GALNT7: variants seen among roughly 807,000 people sequenced by gnomAD.
The protein encoded by GALNT7 is N-acetylgalactosaminyltransferase 7.
In GALNT7, 60 loss-of-function variants were observed where a neutral mutation model predicts 82.1. The observed-to-expected ratio is 0.73, with a 90% CI of 0.59 to 0.91. The LOEUF is 0.91. Among genes scored for constraint, GALNT7 ranks in the 40% least tolerant of loss-of-function variants. The pLI is 0.00. For missense variants in GALNT7, 660 were observed against 804.2 expected (o/e 0.82, Z 2.17); for synonymous variants, 243 against 275.1 (o/e 0.88, Z 1.15).
At chr4:173,236,203 T>A (rs1191121294) in intron 1 of GALNT7, among the ~76,000 whole-genome samples, 1 of 152,100 alleles carries the variant, frequency 6.6e-6, no homozygotes, top group Non-Finnish European at 1.5e-5. Flanking sequence ...CCTTTCTAGT[T>A]CCATGCTCCT....
At chr4:173,308,686 C>T (rs373327615) in intron 8 of GALNT7, among the ~76,000 whole-genome samples, 19 of 152,064 alleles carry the variant, frequency 1.2e-4, no homozygotes, top group African/African-American at 4.1e-4. Flanking sequence ...GGGAGGATCA[C>T]GAGGTCAGGA....
intron 1 of GALNT7, among the ~76,000 whole-genome samples, chr4:173,174,510 G>A (rs1230663180): frequency 1.3e-5 from 2 of 152,180 alleles, no homozygotes; most frequent in African/African-American, 4.8e-5. Context: ...AATGTTTGGC[G>A]AATTCCTAAG....
At chr4:173,314,806 T>G (rs2126870050) in intron 9 of GALNT7, among the ~76,000 whole-genome samples, 1 of 152,370 alleles carries the variant, frequency 6.6e-6, no homozygotes, top group Non-Finnish European at 1.5e-5. Flanking sequence ...GATTGCTCCC[T>G]GCAGCCCCGC....
At position 173,322,968 on chromosome 4, in the gene GALNT7, A is replaced by G. The variant is rs1737875508; in HGVS notation, c.*1251A>G. ...ATTTCTTTTTAGAAAGTGTATTTTTATTAGTATTTTTCCGGTGAACAGAAG... is the reference window on the plus strand; with the variant it reads ...ATTTCTTTTTAGAAAGTGTATTTTTGTTAGTATTTTTCCGGTGAACAGAAG... On this transcript the variant is annotated 3_prime_UTR_variant, in exon 12 of 12. Transcript: ENST00000265000. The G allele has an allele frequency of 6.6e-6, 1 of 152,150 alleles. No homozygotes were observed. Among genetic ancestry groups the G allele is most frequent in the Non-Finnish European group, 1.5e-5 (1 of 68,000 alleles). 9.4% of individuals were successfully genotyped at this position (152,150 alleles called of 1,614,324 possible).
intron 1 of GALNT7, among the ~76,000 whole-genome samples, chr4:173,215,148 A>G (rs1360433669): frequency 6.6e-6 from 1 of 152,166 alleles, no homozygotes; most frequent in Non-Finnish European, 1.5e-5. Context: ...ATACACAAAG[A>G]AAGTTAGTTG....
At chr4:173,238,023 T>C (rs1734293184) in intron 1 of GALNT7, among the ~76,000 whole-genome samples, 1 of 152,182 alleles carries the variant, frequency 6.6e-6, no homozygotes, top group Non-Finnish European at 1.5e-5. Flanking sequence ...GTGGTTATTC[T>C]TTTGAAGGGT....
At chr4:173,278,158 G>A (rs1735983936) in intron 2 of GALNT7, among the ~76,000 whole-genome samples, 1 of 152,112 alleles carries the variant, frequency 6.6e-6, no homozygotes, top group Admixed American at 6.6e-5. Flanking sequence ...ACCAGCATGG[G>A]GCTATGAAAA....
At chr4:173,200,314 C>T (rs1313538123) in intron 1 of GALNT7, among the ~76,000 whole-genome samples, 1 of 152,070 alleles carries the variant, frequency 6.6e-6, no homozygotes, top group East Asian at 1.9e-4. Flanking sequence ...TTGATTGTTT[C>T]AGGCAGAAAG....
chr4:173,182,203 T>C (rs1409251590), intron 1 of GALNT7, among the ~76,000 whole-genome samples: 1 of 152,230 alleles, frequency 6.6e-6, no homozygotes, highest in Non-Finnish European at 1.5e-5. Flanking sequence ...ATGTCTTGTG[T>C]AATGATTTAT....
At chr4:173,186,591 A>G (rs1228885125) in intron 1 of GALNT7, among the ~76,000 whole-genome samples, 4 of 152,110 alleles carry the variant, frequency 2.6e-5, no homozygotes, top group Non-Finnish European at 5.9e-5. Context: ...CATAGTTTCA[A>G]GAGTGCTTTA....
chr4:173,170,006 G>C (rs1030986520), intron 1 of GALNT7, among the ~76,000 whole-genome samples: 1 of 152,132 alleles, frequency 6.6e-6, no homozygotes, highest in African/African-American at 2.4e-5. Flanking sequence ...GGAGGGTTTA[G>C]TCAGGCGCCT....
intron 1 of GALNT7, among the ~76,000 whole-genome samples, chr4:173,230,139 G>C (rs1733981781): frequency 6.6e-6 from 1 of 152,204 alleles, no homozygotes; most frequent in Non-Finnish European, 1.5e-5. Context: ...AGACTTGCCA[G>C]TGTAGTCTTC....
At chr4:173,186,314 A>G (rs952928868) in intron 1 of GALNT7, among the ~76,000 whole-genome samples, 3 of 152,218 alleles carry the variant, frequency 2.0e-5, no homozygotes, top group Non-Finnish European at 4.4e-5. Context: ...TTATATAGTA[A>G]AAGTACACAT....
chr4:173,175,267 A>G (rs1732001060), intron 1 of GALNT7, among the ~76,000 whole-genome samples: 1 of 152,262 alleles, frequency 6.6e-6, no homozygotes, highest in African/African-American at 2.4e-5. Context: ...ACATATATTG[A>G]ATCCTTACTT....
At chr4:173,188,096 G>A (rs1408308115) in intron 1 of GALNT7, among the ~76,000 whole-genome samples, 1 of 152,162 alleles carries the variant, frequency 6.6e-6, no homozygotes, top group African/African-American at 2.4e-5. Context: ...CATGTGGGGA[G>A]CCAAAATTCT....
intron 1 of GALNT7, among the ~76,000 whole-genome samples, chr4:173,199,652 T>C (rs1374629742): frequency 6.6e-6 from 1 of 152,160 alleles, no homozygotes; most frequent in Non-Finnish European, 1.5e-5. Context: ...AGCAAAGAGA[T>C]TAAAACTTGC....
At chr4:173,261,957 C>A (rs1735284023) in intron 2 of GALNT7, among the ~76,000 whole-genome samples, 1 of 152,008 alleles carries the variant, frequency 6.6e-6, no homozygotes, top group African/African-American at 2.4e-5. Context: ...ATAATAATTT[C>A]ATTACATATT....
At chr4:173,267,436 G>A (rs1484584036) in intron 2 of GALNT7, among the ~76,000 whole-genome samples, 9 of 152,126 alleles carry the variant, frequency 5.9e-5, no homozygotes, top group Non-Finnish European at 1.2e-4. Flanking sequence ...AGGGTTTGTG[G>A]ACACCCATAG....
chr4:173,196,484 A>G (rs1194329994), intron 1 of GALNT7, among the ~76,000 whole-genome samples: 3 of 152,168 alleles, frequency 2.0e-5, no homozygotes, highest in Non-Finnish European at 2.9e-5. Flanking sequence ...AAGACCTTCT[A>G]AAAAGAACTT....
Sources: allele counts gnomAD v4.1 joint callset (sites outside exome capture counted in the v4.1 genomes callset), GRCh38; gene constraint gnomAD v4.1.1; transcripts MANE v1.5; gene names NCBI Gene and HGNC (gene_info 2026-07-23, HGNC 2026-07-21).